The following FGGY variants were observed in gnomAD, a reference collection of about 807,000 sequenced individuals.
The protein encoded by FGGY is FGGY carbohydrate kinase domain-containing protein.
Under a neutral mutation model 71.3 loss-of-function variants are expected in FGGY, and 72 were observed. The ratio of observed to expected loss-of-function variants is 1.01; its 90% CI spans 0.84 to 1.23. The LOEUF (loss-of-function observed/expected upper bound fraction) is 1.23. Among genes scored for constraint, FGGY ranks in the 50% most tolerant of loss-of-function variants. The probability of loss-of-function intolerance (pLI) is 0.00; values close to 1 mark genes in which losing one functional copy is unlikely to be tolerated. For missense variants in FGGY, 668 were observed against 682.3 expected (o/e 0.98, Z 0.23); for synonymous variants, 251 against 250.3 (o/e 1.00, Z -0.02).
intron 14 of FGGY, among the ~76,000 whole-genome samples, chr1:59,694,397 G>C (rs1011659210): frequency 6.6e-6 from 1 of 152,034 alleles, no homozygotes; most frequent in Non-Finnish European, 1.5e-5. Context: ...AATACTTTTG[G>C]TCAGTTCGTG....
chr1:59,589,219 C>G (rs1571748877), intron 8 of FGGY, among the ~76,000 whole-genome samples: 1 of 148,968 alleles, frequency 6.7e-6, no homozygotes, highest in Non-Finnish European at 1.5e-5. Context: ...GTAAAGGGAT[C>G]AATTCAACAA....
intron 5 of FGGY, among the ~76,000 whole-genome samples, chr1:59,408,642 G>A (rs974325255): frequency 3.3e-5 from 5 of 151,698 alleles, no homozygotes; most frequent in Non-Finnish European, 7.4e-5. Flanking sequence ...TTTTTCTAAT[G>A]TTTAATTTTC....
chr1:59,578,126 T>C (rs1179266624), intron 8 of FGGY, among the ~76,000 whole-genome samples: 1 of 151,544 alleles, frequency 6.6e-6, no homozygotes, highest in Non-Finnish European at 1.5e-5. Context: ...TCTGAGAGAG[T>C]AGAGCAAAAA....
chr1:59,696,338 A>G (rs2097658900), intron 14 of FGGY, among the ~76,000 whole-genome samples: 1 of 152,220 alleles, frequency 6.6e-6, no homozygotes, highest in South Asian at 2.1e-4. Flanking sequence ...TTCCCTAGAA[A>G]ATTTTAAAAA....
chr1:59,555,476 G>A (rs1227698640), intron 8 of FGGY, among the ~76,000 whole-genome samples: 1 of 152,162 alleles, frequency 6.6e-6, no homozygotes, highest in African/African-American at 2.4e-5. Flanking sequence ...AATTAAATGA[G>A]GTGATACTAA....
At chr1:59,367,022 G>A (rs1338829284) in intron 4 of FGGY, among the ~76,000 whole-genome samples, 1 of 152,166 alleles carries the variant, frequency 6.6e-6, no homozygotes, top group Non-Finnish European at 1.5e-5. Context: ...CAGCCAAGTT[G>A]GAGCCAGGTT....
intron 5 of FGGY, among the ~76,000 whole-genome samples, chr1:59,426,353 A>C (rs1338185545): frequency 2.0e-5 from 3 of 151,990 alleles, no homozygotes; most frequent in Non-Finnish European, 4.4e-5. Context: ...GCTTGTCATT[A>C]GGGTATCCAG....
chr1:59,600,076 G>A (rs1558501762), intron 8 of FGGY, among the ~76,000 whole-genome samples: 1 of 152,186 alleles, frequency 6.6e-6, no homozygotes, highest in Admixed American at 6.5e-5. Context: ...GAGAGTACAG[G>A]ATGGAGGACA....
At chr1:59,641,323 A>G in intron 11 of FGGY, 1 of 1,610,798 alleles carries the variant, frequency 6.2e-7, no homozygotes, top group East Asian at 2.2e-5. Context: ...GCAGCGTTGC[A>G]CTCTCCCAGT....
intron 6 of FGGY, among the ~76,000 whole-genome samples, chr1:59,488,213 G>A (rs2093713164): frequency 6.6e-6 from 1 of 151,944 alleles, no homozygotes; most frequent in African/African-American, 2.4e-5. Flanking sequence ...ACACTTAAAT[G>A]TTTACCTTTT....
At chr1:59,389,497 T>C (rs1428335418) in intron 5 of FGGY, among the ~76,000 whole-genome samples, 1 of 152,246 alleles carries the variant, frequency 6.6e-6, no homozygotes, top group African/African-American at 2.4e-5. Context: ...TGGTGGACAT[T>C]TGCATCGTTT....
intron 5 of FGGY, among the ~76,000 whole-genome samples, chr1:59,444,839 T>C (rs1279648582): frequency 6.6e-6 from 1 of 152,160 alleles, no homozygotes; most frequent in African/African-American, 2.4e-5. Flanking sequence ...TCCACAAAAC[T>C]GGGTCCTGGT....
intron 7 of FGGY, 41 bp from the exon 8 acceptor site, chr1:59,554,083 A>T (rs1022292712): frequency 7.0e-7 from 1 of 1,420,234 alleles, no homozygotes; most frequent in Non-Finnish European, 9.7e-7. Context: ...CTCTTTTTTT[A>T]TGTGTTAAAG....
chr1:59,608,560 C>G (rs2096645569), intron 9 of FGGY, among the ~76,000 whole-genome samples: 1 of 152,214 alleles, frequency 6.6e-6, no homozygotes, highest in Non-Finnish European at 1.5e-5. Flanking sequence ...ATGCGGTACA[C>G]AGTGGCTCAT....
At chr1:59,470,457 C>A (rs1024856447) in intron 6 of FGGY, among the ~76,000 whole-genome samples, 12 of 152,182 alleles carry the variant, frequency 7.9e-5, no homozygotes, top group Non-Finnish European at 1.6e-4. Context: ...CACTTCAGGA[C>A]TGTGGCCCCA....
At chr1:59,701,535 T>C (rs897543761) in intron 14 of FGGY, among the ~76,000 whole-genome samples, 5 of 152,212 alleles carry the variant, frequency 3.3e-5, no homozygotes, top group Admixed American at 3.3e-4. Flanking sequence ...ATACAGTCCC[T>C]GCTCTCAAGT....
chr1:59,412,736 T>G (rs1277477141), intron 5 of FGGY, among the ~76,000 whole-genome samples: 1 of 152,202 alleles, frequency 6.6e-6, no homozygotes, highest in African/African-American at 2.4e-5. Flanking sequence ...ATAGAAGTTA[T>G]TGTATTTGGG....
chr1:59,389,952 G>A (rs960215237), intron 5 of FGGY, among the ~76,000 whole-genome samples: 5 of 152,172 alleles, frequency 3.3e-5, no homozygotes, highest in Non-Finnish European at 7.4e-5. Flanking sequence ...GTGTCTGAGA[G>A]TAAGGGGAGA....
chr1:59,662,078 T>C (rs1248709373), intron 12 of FGGY, among the ~76,000 whole-genome samples: 1 of 146,346 alleles, frequency 6.8e-6, no homozygotes, highest in Non-Finnish European at 1.5e-5. Context: ...TCCCAGCACT[T>C]TGGGAGGCCA....
Sources: gnomAD v4.1 joint callset for allele counts (sites outside exome capture counted in the v4.1 genomes callset) on GRCh38, gnomAD v4.1.1 for gene constraint, MANE v1.5 for transcripts, NCBI Gene and HGNC (gene_info 2026-07-23, HGNC 2026-07-21) for gene names.